SYNE2: variants seen among roughly 807,000 people sequenced by gnomAD.
SYNE2 encodes spectrin repeat containing nuclear envelope protein 2.
SYNE2 carries 431 observed loss-of-function variants against 856.3 expected under a neutral mutation model. The observed-to-expected ratio is 0.50, with a 90% CI of 0.47 to 0.55. The LOEUF is 0.55. Ranked by LOEUF, SYNE2 falls within the 20% of genes least tolerant of loss-of-function variation. SYNE2 has a pLI of 0.00. For synonymous variants in SYNE2, 2,923 were observed against 2,872.3 expected (o/e 1.02, Z -0.56); for missense variants, 8,129 against 8,023.2 (o/e 1.01, Z -0.50).
In SYNE2 at chr14:64,192,165, C is replaced by T. The variant is rs140800379; in HGVS notation, c.18038+1928C>T. Reference sequence around the variant, plus strand: ...AGGCCTGCAACTGGACTACCTAATTCTCAGAGCTTAGAATAGCGCGTCAGA... The same window carrying T: ...AGGCCTGCAACTGGACTACCTAATTTTCAGAGCTTAGAATAGCGCGTCAGA... On this transcript the variant is annotated intron_variant, in intron 99 of 115. Transcript: ENST00000555002. 1.1e-3 allele frequency among the ~76,000 whole-genome samples: 175 copies of T among 152,256 alleles called. 4 individuals are homozygous for T. In the East Asian group the frequency reaches 0.02, roughly 17 times the overall value.
At chr14:63,766,624 A>G (rs563604743) in intron 1 of SYNE2, among the ~76,000 whole-genome samples, 47 of 152,322 alleles carry the variant, frequency 3.1e-4, no homozygotes, top group African/African-American at 1.1e-3. Context: ...AAAGAGCTCC[A>G]TTAATTATTC....
intron 1 of SYNE2, among the ~76,000 whole-genome samples, chr14:63,874,657 GC>G (rs2094674038): frequency 6.6e-6 from 1 of 152,054 alleles, no homozygotes; most frequent in African/African-American, 2.4e-5. Context: ...TGCCATAACT[GC>G]TTTTTTTTAA....
chr14:64,159,556 C>G (rs1314633067), intron 87 of SYNE2, 114 bp downstream of exon 87: 1 of 1,264,736 alleles, frequency 7.9e-7, no homozygotes, highest in East Asian at 2.5e-5. Context: ...GACTGGTTTC[C>G]TACTGTTCTG....
rs2096991771 is a variant in SYNE2, at chr14:64,027,713, T to G, written c.6634T>G (p.Cys2212Gly). Residue 2212 changes from cysteine (C) to glycine (G), a missense_variant, in exon 43 of 116, where the codon TGC becomes GGC. By Grantham distance (159) the Cys-to-Gly change is radical. Around this residue, in one of 3 missense-constraint regions of SYNE2, gnomAD observed 297 missense variants for 380.9 expected, o/e 0.78. Transcript: ENST00000555002. ...ATCTCAGGGAAACTACCTCTTGGAG[T>G]GCACTAAAAATCCCAGCTTCAGTGA... is the stretch of plus-strand genomic sequence containing the variant. ...LKSQGNYLLE[C>G]TKNPSFSEEP... is the part of the protein sequence containing the mutation. 6.2e-7 allele frequency: 1 copy of G among 1,613,926 alleles called. No individual in the cohort carries two copies. Among genetic ancestry groups the G allele is most frequent in the East Asian group, 2.2e-5 (1 of 44,876 alleles).
At chr14:64,147,674 TTTATATAACTAAGTTCAGC>T (rs1209418395) in intron 84 of SYNE2, among the ~76,000 whole-genome samples, 1 of 152,172 alleles carries the variant, frequency 6.6e-6, no homozygotes, top group African/African-American at 2.4e-5. Flanking sequence ...CTAAAAATAG[TTTATATAACTAAGTTCAGC>T]AAAGCCTCTC....
intron 2 of SYNE2, among the ~76,000 whole-genome samples, chr14:63,937,166 G>A (rs188969242): frequency 3.9e-5 from 6 of 152,272 alleles, no homozygotes; most frequent in Admixed American, 3.9e-4. Context: ...TCAGTCGAAT[G>A]GCAGGGACCT....
At chr14:64,216,428 A>T in intron 108 of SYNE2, 41 bp downstream of exon 108, 1 of 1,601,010 alleles carries the variant, frequency 6.2e-7, no homozygotes, top group East Asian at 2.2e-5. Flanking sequence ...TATGTCTGTG[A>T]GTCATACTTA....
intron 2 of SYNE2, among the ~76,000 whole-genome samples, chr14:63,914,229 T>C (rs769430147): frequency 7.2e-5 from 11 of 152,178 alleles, no homozygotes; most frequent in Admixed American, 3.9e-4. Flanking sequence ...TGGATAGATA[T>C]GATTATGAAA....
At chr14:63,845,371 A>C (rs1890193597) in intron 1 of SYNE2, among the ~76,000 whole-genome samples, 1 of 151,190 alleles carries the variant, frequency 6.6e-6, no homozygotes, top group Admixed American at 6.6e-5. Context: ...AGCCGAGATC[A>C]TGCCATTGCA....
intron 82 of SYNE2, 80 bp from the exon 83 acceptor site, chr14:64,143,692 C>T: frequency 1.3e-6 from 2 of 1,487,840 alleles, no homozygotes; most frequent in Non-Finnish European, 1.9e-6. Flanking sequence ...GCTTGGTGCC[C>T]CCTCGAGCAC....
intron 1 of SYNE2, among the ~76,000 whole-genome samples, chr14:63,906,437 GC>G (rs2095410386): frequency 6.6e-6 from 1 of 152,046 alleles, no homozygotes; most frequent in African/African-American, 2.4e-5. Flanking sequence ...CTGGTCCAGA[GC>G]TTTTTTTGGT....
chr14:63,880,859 T>C (rs2094844523), intron 1 of SYNE2, among the ~76,000 whole-genome samples: 1 of 151,656 alleles, frequency 6.6e-6, no homozygotes, highest in Admixed American at 6.6e-5. Flanking sequence ...AATTTTTTTT[T>C]TTTTTGAGAC....
At chr14:64,224,006 A>T (rs1212241997) in intron 113 of SYNE2, among the ~76,000 whole-genome samples, 1 of 151,954 alleles carries the variant, frequency 6.6e-6, no homozygotes, top group Non-Finnish European at 1.5e-5. Flanking sequence ...TTGTCCGAAA[A>T]AGTCTGTTGT....
intron 84 of SYNE2, among the ~76,000 whole-genome samples, chr14:64,149,439 G>GTTA (rs78006922): frequency 0.022 from 3,397 of 152,314 alleles, 45 homozygotes; most frequent in African/African-American, 0.037. Context: ...GTTAAGGACT[G>GTTA]GAGTTGATGA....
chr14:63,805,548 C>A (rs1476878311), intron 1 of SYNE2, among the ~76,000 whole-genome samples: 3 of 152,136 alleles, frequency 2.0e-5, no homozygotes, highest in Admixed American at 6.5e-5. Context: ...CCACCACGCC[C>A]GGCTAATTTT....
intron 1 of SYNE2, among the ~76,000 whole-genome samples, chr14:63,900,595 A>G (rs1439879849): frequency 1.3e-5 from 2 of 152,196 alleles, no homozygotes; most frequent in Admixed American, 1.3e-4. Flanking sequence ...GTTAAAATTC[A>G]GGATGAGATT....
chr14:64,090,054 T>G lies in SYNE2; in HGVS notation c.11793+358T>G, dbSNP rs111490142. On this transcript the variant is annotated intron_variant, in intron 59 of 115. Transcript: ENST00000555002. ...ATCCGTGCACTGGTACTGAGGAGATTACATTGGCCAATTGTAATGTAAATA... is the reference window on the plus strand; with the variant it reads ...ATCCGTGCACTGGTACTGAGGAGATGACATTGGCCAATTGTAATGTAAATA... Among the ~76,000 whole-genome samples the G allele has an allele frequency of 1.6e-4, 25 of 152,282 alleles. 1 individual carries two copies. Among genetic ancestry groups the G allele is most frequent in the African/African-American group, 5.5e-4 (23 of 41,546 alleles).
intron 11 of SYNE2, among the ~76,000 whole-genome samples, chr14:63,971,120 G>T (rs1196527663): frequency 3.5e-4 from 49 of 140,768 alleles, no homozygotes; most frequent in South Asian, 1.6e-3. Context: ...AGGTTTTTTG[G>T]TTTTTTTTTT....
chr14:63,852,641 C>CT, upstream of SYNE2, among the ~76,000 whole-genome samples: 1 of 152,318 alleles, frequency 6.6e-6, no homozygotes, highest in East Asian at 1.9e-4. Context: ...GATCTGCTCT[C>CT]TAACTCCTAC....
Sources: allele counts gnomAD v4.1 joint callset (sites outside exome capture counted in the v4.1 genomes callset), GRCh38; gene constraint gnomAD v4.1.1; regional missense constraint gnomAD v4.1.1; transcripts MANE v1.5; gene names NCBI Gene and HGNC (gene_info 2026-07-23, HGNC 2026-07-21).